CNTNAP5: variants seen among roughly 807,000 people sequenced by gnomAD.
The protein encoded by CNTNAP5 is contactin-associated protein-like 5.
A neutral mutation model predicts 150.2 loss-of-function variants in CNTNAP5; 72 were observed. That is an observed-to-expected ratio of 0.48 (90% CI 0.40 to 0.58). The LOEUF (loss-of-function observed/expected upper bound fraction) is 0.58, where lower values mean the gene tolerates loss of function less well. Ranked by LOEUF, CNTNAP5 falls within the 20% of genes least tolerant of loss-of-function variation. The pLI, the probability that CNTNAP5 is intolerant of heterozygous loss-of-function variation, is 0.00. For synonymous variants in CNTNAP5, 672 were observed against 619.8 expected (o/e 1.08, Z -1.25); for missense variants, 1,636 against 1,626.2 (o/e 1.01, Z -0.10).
At chr2:124,439,682 G>A (rs1426371453) in intron 5 of CNTNAP5, among the ~76,000 whole-genome samples, 7 of 152,192 alleles carry the variant, frequency 4.6e-5, no homozygotes, top group Non-Finnish European at 5.9e-5. Context: ...CTTCCTGTCC[G>A]TTTCTTATTT....
intron 1 of CNTNAP5, among the ~76,000 whole-genome samples, chr2:124,084,754 T>C (rs569877091): frequency 6.6e-6 from 1 of 152,172 alleles, no homozygotes; most frequent in African/African-American, 2.4e-5. Flanking sequence ...ATATCTTCAT[T>C]AAATAAACGG....
At chr2:124,879,471 A>G (rs979664320) in intron 21 of CNTNAP5, among the ~76,000 whole-genome samples, 6 of 151,952 alleles carry the variant, frequency 3.9e-5, no homozygotes, top group African/African-American at 1.5e-4. Context: ...CTTACAATGT[A>G]TTTTTCTCAC....
chr2:124,131,618 C>T (rs905685046), intron 1 of CNTNAP5, among the ~76,000 whole-genome samples: 3 of 152,066 alleles, frequency 2.0e-5, no homozygotes, highest in Non-Finnish European at 4.4e-5. Context: ...TTAGTTCTGG[C>T]GGCTCCATGC....
chr2:124,364,547 A>G (rs1468582457), intron 3 of CNTNAP5, among the ~76,000 whole-genome samples: 3 of 152,178 alleles, frequency 2.0e-5, no homozygotes, highest in African/African-American at 7.2e-5. Flanking sequence ...TCTTTTCCCA[A>G]TGTATACACT....
At chr2:124,473,397 G>T (rs1337948992) in intron 6 of CNTNAP5, among the ~76,000 whole-genome samples, 1 of 151,840 alleles carries the variant, frequency 6.6e-6, no homozygotes, top group Non-Finnish European at 1.5e-5. Flanking sequence ...AAATGAAATA[G>T]ATAAAATATC....
intron 3 of CNTNAP5, among the ~76,000 whole-genome samples, chr2:124,385,317 A>C (rs1690900784): frequency 6.6e-6 from 1 of 152,138 alleles, no homozygotes; most frequent in Non-Finnish European, 1.5e-5. Context: ...CCTATTATTC[A>C]CTGTGCCATC....
At chr2:124,131,242 G>A (rs747494063) in intron 1 of CNTNAP5, among the ~76,000 whole-genome samples, 7 of 152,120 alleles carry the variant, frequency 4.6e-5, no homozygotes, top group Non-Finnish European at 1.0e-4. Flanking sequence ...GATTATCTCT[G>A]CCTTAGAGCC....
intron 13 of CNTNAP5, among the ~76,000 whole-genome samples, chr2:124,742,009 C>T (rs568045794): frequency 6.6e-6 from 1 of 152,144 alleles, no homozygotes; most frequent in South Asian, 2.1e-4. Context: ...AAATAGAAAC[C>T]TGCAGCTGGC....
chr2:124,687,362 G>C (rs77606317), intron 13 of CNTNAP5, among the ~76,000 whole-genome samples: 1 of 151,920 alleles, frequency 6.6e-6, no homozygotes, highest in Admixed American at 6.6e-5. Flanking sequence ...ATGACTGTGG[G>C]TGGTGTTAAC....
At chr2:124,478,319 G>A (rs1486532706) in intron 7 of CNTNAP5, among the ~76,000 whole-genome samples, 1 of 152,120 alleles carries the variant, frequency 6.6e-6, no homozygotes, top group Non-Finnish European at 1.5e-5. Flanking sequence ...TTAATTGGCA[G>A]TATTGTTAAT....
chr2:124,729,646 C>T (rs897617372), intron 13 of CNTNAP5, among the ~76,000 whole-genome samples: 1 of 151,926 alleles, frequency 6.6e-6, no homozygotes, highest in African/African-American at 2.4e-5. Flanking sequence ...AATAATGGTA[C>T]GACCAATTAT....
chr2:124,859,363 C>T (rs1283184919), intron 19 of CNTNAP5, among the ~76,000 whole-genome samples: 1 of 152,176 alleles, frequency 6.6e-6, no homozygotes, highest in East Asian at 1.9e-4. Context: ...AATGAGATAC[C>T]ATCTCATACC....
chr2:124,199,145 T>G (rs758457131), intron 1 of CNTNAP5, among the ~76,000 whole-genome samples: 1 of 152,038 alleles, frequency 6.6e-6, no homozygotes, highest in Non-Finnish European at 1.5e-5. Context: ...CTCTTCTAAA[T>G]AAACTTTACT....
At chr2:124,544,646 C>T (rs781451143) in intron 10 of CNTNAP5, among the ~76,000 whole-genome samples, 2 of 152,156 alleles carry the variant, frequency 1.3e-5, no homozygotes, top group Non-Finnish European at 2.9e-5. Context: ...ATAGAGAACT[C>T]AAAATGTGTG....
At chr2:124,069,630 G>T (rs1682252170) in intron 1 of CNTNAP5, among the ~76,000 whole-genome samples, 1 of 152,080 alleles carries the variant, frequency 6.6e-6, no homozygotes, top group Non-Finnish European at 1.5e-5. Flanking sequence ...CTAGCTCCAG[G>T]CAGCTCATCA....
chr2:124,123,401 C>T (rs1683614482), intron 1 of CNTNAP5, among the ~76,000 whole-genome samples: 2 of 152,120 alleles, frequency 1.3e-5, no homozygotes, highest in African/African-American at 4.8e-5. Flanking sequence ...AACAAAGCAG[C>T]TGGAAAGCTT....
chr2:124,647,866 T>C lies in CNTNAP5; in HGVS notation c.1985T>C (p.Met662Thr). Residue 662 changes from methionine (M) to threonine (T), a missense_variant, in exon 13 of 24, where the codon ATG becomes ACG. By Grantham distance (81) the Met-to-Thr change is moderately conservative (BLOSUM62 -1). Transcript: ENST00000682447. ...YAMALDYGGS[M>T]EQLEAVIDGS... ...ATGGCCTTGGACTACGGGGGCAGCATGGAACAGCTGGAGGCCGTGATCGAC... is the reference window on the plus strand; with the variant it reads ...ATGGCCTTGGACTACGGGGGCAGCACGGAACAGCTGGAGGCCGTGATCGAC... 2.5e-6 allele frequency: 4 copies of C among 1,613,276 alleles called. No homozygotes were observed. The highest frequency in any genetic ancestry group is 2.5e-6 in the Non-Finnish European group (3 of 1,179,662).
At chr2:124,073,511 T>A (rs1286912939) in intron 1 of CNTNAP5, among the ~76,000 whole-genome samples, 1 of 151,940 alleles carries the variant, frequency 6.6e-6, no homozygotes. Flanking sequence ...AACAATCCCA[T>A]AGGAAAGATT....
chr2:124,763,861 C>T, intron 15 of CNTNAP5, 62 bp downstream of exon 15: 2 of 1,606,730 alleles, frequency 1.2e-6, no homozygotes, highest in East Asian at 2.2e-5. Flanking sequence ...TGTTCTTACT[C>T]CCTTATCCCT....
Sources: allele counts gnomAD v4.1 joint callset (sites outside exome capture counted in the v4.1 genomes callset), GRCh38; gene constraint gnomAD v4.1.1; transcripts MANE v1.5; gene names NCBI Gene and HGNC (gene_info 2026-07-23, HGNC 2026-07-21).